The following GAN variants were observed in gnomAD, a reference collection of about 807,000 sequenced individuals.
The protein encoded by GAN is gigaxonin.
A neutral mutation model predicts 71.3 loss-of-function variants in GAN; 48 were observed. The observed-to-expected ratio is 0.67, with a 90% confidence interval of 0.53 to 0.86. GAN has a LOEUF of 0.86. Ranked by LOEUF, GAN falls within the 40% of genes least tolerant of loss-of-function variation. The pLI is 0.00. For synonymous variants in GAN, 386 were observed against 276.8 expected (o/e 1.39, Z -3.92); for missense variants, 928 against 770.1 (o/e 1.21, Z -2.43).
intron 1 of GAN, among the ~76,000 whole-genome samples, chr16:81,346,462 G>A (rs1320068669): frequency 1.3e-5 from 2 of 152,160 alleles, no homozygotes; most frequent in Admixed American, 1.3e-4. Context: ...TCCTGCCTGA[G>A]CTCCGCCTCC....
intron 5 of GAN, among the ~76,000 whole-genome samples, chr16:81,359,577 C>T (rs980651701): frequency 3.9e-5 from 6 of 152,066 alleles, no homozygotes; most frequent in African/African-American, 1.2e-4. Context: ...TAGTCAGTAC[C>T]TGTGTTCTCT....
At chr16:81,326,005 G>A (rs906187305) in intron 1 of GAN, among the ~76,000 whole-genome samples, 1 of 152,132 alleles carries the variant, frequency 6.6e-6, no homozygotes, top group Non-Finnish European at 1.5e-5. Flanking sequence ...CCTGGTTCAA[G>A]TATCCCTTCC....
At chr16:81,346,018 G>A (rs192169041) in intron 1 of GAN, among the ~76,000 whole-genome samples, 1 of 152,340 alleles carries the variant, frequency 6.6e-6, no homozygotes, top group East Asian at 1.9e-4. Context: ...GCTCTTGGTT[G>A]AACCTGGGTT....
At chr16:81,324,429 G>A (rs977197085) in intron 1 of GAN, among the ~76,000 whole-genome samples, 50 of 152,142 alleles carry the variant, frequency 3.3e-4, no homozygotes, top group South Asian at 1.5e-3. Context: ...TCTGAGGGAG[G>A]AGGAGACCTA....
intron 7 of GAN, among the ~76,000 whole-genome samples, chr16:81,364,181 A>C (rs532753381): frequency 2.6e-4 from 40 of 152,262 alleles, no homozygotes; most frequent in Admixed American, 3.9e-4. Flanking sequence ...GCTGTGTGTC[A>C]AGCTCCACAT....
chr16:81,328,649 A>ATTT (rs10690232), intron 1 of GAN, among the ~76,000 whole-genome samples: 80,938 of 146,928 alleles, frequency 0.55, 24,441 homozygotes, highest in Non-Finnish European at 0.7. Context: ...TGTGTATCTT[A>ATTT]TTTTTTTTTT....
intron 1 of GAN, among the ~76,000 whole-genome samples, chr16:81,344,894 AC>A (rs757699229): frequency 2.0e-5 from 3 of 152,206 alleles, no homozygotes; most frequent in Non-Finnish European, 4.4e-5. Flanking sequence ...AAGAACTTAA[AC>A]AAATTTACAA....
At chr16:81,360,437 C>G (rs1457232001) in intron 5 of GAN, among the ~76,000 whole-genome samples, 1 of 152,164 alleles carries the variant, frequency 6.6e-6, no homozygotes, top group African/African-American at 2.4e-5. Context: ...TAAAAAATCT[C>G]TTCTCTGGTG....
rs1904341803 is a variant in GAN, at chr16:81,384,353, A to ATAATT, written c.*6758_*6762dup. The stretch of plus-strand genomic sequence containing the variant: ...AAAGCACTTACAACCAGGAGGAATA[A>ATAATT]TAATTCTCCTAGAGTTGCTGCAAAC... On this transcript the variant is annotated 3_prime_UTR_variant, in exon 11 of 11. Transcript: ENST00000648994. 6.6e-6 allele frequency: 1 copy of ATAATT among 152,116 alleles called. No homozygotes were observed. The highest frequency in any genetic ancestry group is 6.5e-5 in the Admixed American group (1 of 15,278). The allele number at this position is 152,116 out of a possible 1,614,324, so 9.4% of individuals were successfully genotyped here.
At position 81,315,287 on chromosome 16, in the gene GAN, AG is replaced by A; in HGVS notation, c.167+12del. ...CGGCCAGCCCGTACATCAGGTGGGG[AG>A]GGGGCTACGGCGGGCGGGCGCGGCG... On this transcript the variant is annotated splice_region_variant and intron_variant, in intron 1 of 10. Transcript: ENST00000648994. 1 of 1,413,084 alleles carries A rather than the reference AG, an allele frequency of 7.1e-7. No individual in the cohort carries two copies. Among genetic ancestry groups the A allele is most frequent in the Non-Finnish European group, 9.4e-7 (1 of 1,061,072 alleles). The allele number at this position is 1,413,084 out of a possible 1,614,324, so 87.5% of individuals were successfully genotyped here. A position where few individuals can be genotyped will look rare whatever the true frequency, so the allele number is the denominator to read the frequency against.
intron 1 of GAN, among the ~76,000 whole-genome samples, chr16:81,342,724 A>G (rs188413865): frequency 3.3e-5 from 5 of 152,324 alleles, no homozygotes; most frequent in Admixed American, 2.0e-4. Context: ...TAAAAGAACT[A>G]GAGAAGCAAG....
chr16:81,328,061 C>G (rs1249754593), intron 1 of GAN, among the ~76,000 whole-genome samples: 1 of 152,210 alleles, frequency 6.6e-6, no homozygotes, highest in East Asian at 1.9e-4. Flanking sequence ...CGTCTTTGAA[C>G]TCTTAAAATT....
At chr16:81,331,131 G>T (rs113178828) in intron 1 of GAN, among the ~76,000 whole-genome samples, 2 of 152,354 alleles carry the variant, frequency 1.3e-5, no homozygotes, top group African/African-American at 2.4e-5. Context: ...CTTGAGCCCA[G>T]AAGTTTGAGG....
In GAN at chr16:81,365,374, T is replaced by C. The variant is rs756485979; in HGVS notation, c.1398T>C (p.Val466=). 3 of 1,613,766 alleles carry C rather than the reference T, an allele frequency of 1.9e-6. No homozygotes were observed. The highest frequency in any genetic ancestry group is 2.5e-6 in the Non-Finnish European group (3 of 1,179,930). The change falls in exon 9 of 11, where the codon GTT becomes GTC. Residue 466 remains valine (V), a synonymous_variant. Coordinates refer to ENST00000648994, the MANE Select transcript of GAN (RefSeq NM_022041.4). The part of the protein sequence containing the change: ...ERRFGAVACG[V]AMELYVFGGV... ...GGTTTGGAGCGGTGGCCTGTGGAGT[T>C]GCTATGGAGCTGTATGTGTTTGGGG...
At chr16:81,374,485 C>T (rs1006351269) in intron 9 of GAN, among the ~76,000 whole-genome samples, 4 of 152,176 alleles carry the variant, frequency 2.6e-5, no homozygotes, top group Non-Finnish European at 5.9e-5. Flanking sequence ...CCCGTCATTC[C>T]TTCTGCATTT....
chr16:81,354,759 C>G lies in GAN; in HGVS notation c.633+4C>G, dbSNP rs1413156856. 2.0e-6 allele frequency: 3 copies of G among 1,517,356 alleles called. No individual in the cohort carries two copies. In the African/African-American group the frequency reaches 4.1e-5, roughly 21 times the overall value. The allele number at this position is 1,517,356 out of a possible 1,614,324, so 94.0% of individuals were successfully genotyped here. ...ACATGATACAGAAATAAGAAAGGTA[C>G]CTGTCATTTATAACATGGTCAAATT... On this transcript the variant is annotated splice_donor_region_variant and intron_variant, in intron 3 of 10. Transcript: ENST00000648994.
chr16:81,335,698 G>T (rs1459435574), intron 1 of GAN, among the ~76,000 whole-genome samples: 2 of 131,940 alleles, frequency 1.5e-5, no homozygotes, highest in Admixed American at 1.8e-4. Flanking sequence ...AGTGAGCCAA[G>T]ATCACGACAC....
intron 1 of GAN, among the ~76,000 whole-genome samples, chr16:81,343,338 C>G (rs1910009598): frequency 6.6e-6 from 1 of 152,256 alleles, no homozygotes; most frequent in Non-Finnish European, 1.5e-5. Flanking sequence ...AGGCCAATAT[C>G]CCTGATGAAC....
chr16:81,326,419 G>C (rs1909390318), intron 1 of GAN, among the ~76,000 whole-genome samples: 1 of 151,730 alleles, frequency 6.6e-6, no homozygotes, highest in African/African-American at 2.4e-5. Context: ...TGTAATCCCA[G>C]CTACTCGGGA....
Sources: allele counts gnomAD v4.1 joint callset (sites outside exome capture counted in the v4.1 genomes callset), GRCh38; gene constraint gnomAD v4.1.1; transcripts MANE v1.5; gene names NCBI Gene and HGNC (gene_info 2026-07-23, HGNC 2026-07-21).